The following DOK6 variants were observed in gnomAD, a reference collection of about 807,000 sequenced individuals.
DOK6 encodes the protein downstream of tyrosine kinase 6.
Under a neutral mutation model 44.0 loss-of-function variants are expected in DOK6, and 22 were observed. That is an observed-to-expected ratio of 0.50 (90% confidence interval 0.36 to 0.71). The LOEUF is 0.71. Among genes scored for constraint, DOK6 ranks in the 30% least tolerant of loss-of-function variants. The pLI is 0.00. For synonymous variants in DOK6, 166 were observed against 145.5 expected, an observed-to-expected ratio of 1.14 and a Z score of -1.01; for missense variants, 340 against 416.4, an observed-to-expected ratio of 0.82 and a Z score of 1.60.
chr18:69,771,343 CAA>C (rs1344602959), intron 7 of DOK6, among the ~76,000 whole-genome samples: 1 of 151,922 alleles, frequency 6.6e-6, no homozygotes. Context: ...AGAATTGAAA[CAA>C]AGTCTAAGTG....
chr18:69,719,775 G>C (rs912775766), intron 5 of DOK6, among the ~76,000 whole-genome samples: 11 of 152,160 alleles, frequency 7.2e-5, no homozygotes, highest in Non-Finnish European at 1.6e-4. Context: ...ATCTTATGAG[G>C]TTAGAAGCAA....
intron 5 of DOK6, among the ~76,000 whole-genome samples, chr18:69,729,051 C>T (rs1392873552): frequency 6.6e-6 from 1 of 152,126 alleles, no homozygotes; most frequent in Non-Finnish European, 1.5e-5. Context: ...CAAAGATCTA[C>T]AAGCTCTGTT....
intron 7 of DOK6, among the ~76,000 whole-genome samples, chr18:69,833,896 A>T (rs1053726600): frequency 2.0e-4 from 31 of 152,204 alleles, no homozygotes; most frequent in African/African-American, 7.5e-4. Context: ...TATCAAAAAG[A>T]CAAAAAATAA....
intron 1 of DOK6, among the ~76,000 whole-genome samples, chr18:69,477,181 C>T (rs1039834145): frequency 6.6e-6 from 1 of 152,108 alleles, no homozygotes; most frequent in Non-Finnish European, 1.5e-5. Context: ...ATGTATTTGA[C>T]GTTTGAAATA....
intron 3 of DOK6, among the ~76,000 whole-genome samples, chr18:69,602,156 T>A (rs956004070): frequency 6.6e-6 from 1 of 152,046 alleles, no homozygotes; most frequent in African/African-American, 2.4e-5. Context: ...CCTAGGAGAA[T>A]AGGATAGAAA....
chr18:69,703,968 C>G (rs1033411888), intron 5 of DOK6, among the ~76,000 whole-genome samples: 3 of 152,142 alleles, frequency 2.0e-5, no homozygotes, highest in African/African-American at 7.2e-5. Context: ...TCTTCTCTGC[C>G]ATGCGGAGGA....
intron 7 of DOK6, among the ~76,000 whole-genome samples, chr18:69,804,815 G>A (rs1428773482): frequency 6.6e-6 from 1 of 152,124 alleles, no homozygotes; most frequent in East Asian, 1.9e-4. Flanking sequence ...ACATATGCTT[G>A]TTCTGCAGCC....
chr18:69,799,814 G>A (rs79866542), intron 7 of DOK6, among the ~76,000 whole-genome samples: 35 of 152,130 alleles, frequency 2.3e-4, no homozygotes, highest in Admixed American at 8.5e-4. Context: ...ATTTTATTAC[G>A]CTTATCTCAC....
rs147413724 is a variant in DOK6 at position 69,468,367 on chromosome 18, T to A, written c.66+67057T>A. 2.9e-3 allele frequency among the ~76,000 whole-genome samples: 448 copies of A among 152,338 alleles called. 4 individuals are homozygous for A. Among genetic ancestry groups the A allele is most frequent in the African/African-American group, 0.01 (419 of 41,568 alleles). On this transcript the variant is annotated intron_variant, in intron 1 of 7. Transcript: ENST00000382713. ...TTGATCATTACATGTTATATGCTTG[T>A]ATCAAAATGTCATATGTGCCCCATA...
intron 3 of DOK6, among the ~76,000 whole-genome samples, chr18:69,605,945 C>G (rs1040406431): frequency 6.6e-6 from 1 of 152,112 alleles, no homozygotes; most frequent in African/African-American, 2.4e-5. Context: ...AATATAACTG[C>G]CCATTTTTTG....
intron 1 of DOK6, chr18:69,483,514 T>A (rs540954161): frequency 1.3e-5 from 2 of 152,098 alleles, no homozygotes; most frequent in East Asian, 3.8e-4. Context: ...TTGGAAGGAA[T>A]GAGCATCTAT....
At chr18:69,498,344 G>A (rs1817417385) in intron 1 of DOK6, among the ~76,000 whole-genome samples, 1 of 151,952 alleles carries the variant, frequency 6.6e-6, no homozygotes, top group Non-Finnish European at 1.5e-5. Context: ...AAACCACAAA[G>A]GTTTATTTTA....
chr18:69,617,921 T>C (rs1250038567), intron 3 of DOK6, among the ~76,000 whole-genome samples: 2 of 152,164 alleles, frequency 1.3e-5, no homozygotes, highest in Non-Finnish European at 2.9e-5. Context: ...GTTTTAGATG[T>C]AATCAAGTCA....
intron 1 of DOK6, among the ~76,000 whole-genome samples, chr18:69,510,404 G>T (rs536291118): frequency 5.6e-4 from 85 of 152,194 alleles, no homozygotes; most frequent in African/African-American, 2.0e-3. Context: ...TGTAAATATG[G>T]ACTACTGATT....
chr18:69,491,256 G>C (rs1332989795), intron 1 of DOK6, among the ~76,000 whole-genome samples: 1 of 152,162 alleles, frequency 6.6e-6, no homozygotes, highest in East Asian at 1.9e-4. Flanking sequence ...TATGGAGTTT[G>C]CTTAGATGAT....
intron 2 of DOK6, among the ~76,000 whole-genome samples, chr18:69,597,330 A>T (rs1983765680): frequency 6.6e-6 from 1 of 152,218 alleles, no homozygotes; most frequent in African/African-American, 2.4e-5. Flanking sequence ...CTCTGCAAAC[A>T]TTCAGTTGCA....
chr18:69,790,422 A>T (rs1980560162), intron 7 of DOK6, among the ~76,000 whole-genome samples: 1 of 152,176 alleles, frequency 6.6e-6, no homozygotes. Context: ...CCCAGAACTT[A>T]AAGTATAATT....
At chr18:69,696,639 C>T (rs1219613133) in intron 4 of DOK6, among the ~76,000 whole-genome samples, 1 of 152,148 alleles carries the variant, frequency 6.6e-6, no homozygotes, top group African/African-American at 2.4e-5. Flanking sequence ...TTATCAAAAG[C>T]TTCTTGGCCA....
chr18:69,604,144 TC>T (rs966874721), intron 3 of DOK6, among the ~76,000 whole-genome samples: 3 of 152,312 alleles, frequency 2.0e-5, no homozygotes, highest in African/African-American at 7.2e-5. Flanking sequence ...CTTTGAACTT[TC>T]CCATTATCAA....
Sources: allele counts gnomAD v4.1 joint callset (sites outside exome capture counted in the v4.1 genomes callset), GRCh38; gene constraint gnomAD v4.1.1; transcripts MANE v1.5; gene names NCBI Gene and HGNC (gene_info 2026-07-23, HGNC 2026-07-21).